Variants in SH3BP4 observed in about 807,000 individuals in gnomAD.
The protein encoded by SH3BP4 is SH3 domain-binding protein 4.
SH3BP4 carries 33 observed loss-of-function variants against 65.5 expected under a neutral mutation model. The ratio of observed to expected loss-of-function variants is 0.50; its 90% CI spans 0.38 to 0.67. The LOEUF is 0.67. SH3BP4 is among the 30% of genes least tolerant of loss of function. The pLI is 0.00. For synonymous variants in SH3BP4, 552 were observed against 545.5 expected, an observed-to-expected ratio of 1.01 and a Z score of -0.17; for missense variants, 1,134 against 1,261.4, an observed-to-expected ratio of 0.90 and a Z score of 1.53.
Position 235,041,645 on chromosome 2 carries a change from G to A in SH3BP4, c.876G>A (p.Lys292=). ...DFRTAWLNHR[K]LARSCHDLDL... is the part of the protein sequence containing the mutation. Reference sequence around the variant, plus strand: ...GAACTGCCTGGCTAAACCACAGGAAGCTGGCCCGGTCTTGCCACGACCTGG... The same window carrying A: ...GAACTGCCTGGCTAAACCACAGGAAACTGGCCCGGTCTTGCCACGACCTGG... The change falls in exon 4 of 6, where the codon AAG becomes AAA. Residue 292 remains lysine (K), a synonymous_variant. Coordinates refer to ENST00000392011, the MANE Select transcript of SH3BP4 (RefSeq NM_014521.3). This position sits in a 1 kb window ranked among gnomAD's most constrained non-coding sequence, Gnocchi z 6.0. 1.2e-6 allele frequency: 2 copies of A among 1,614,000 alleles called. No individual in the cohort carries two copies. The highest frequency in any genetic ancestry group is 1.7e-6 in the Non-Finnish European group (2 of 1,180,004).
chr2:235,044,250 C>T lies in SH3BP4; in HGVS notation c.2478+1003C>T, dbSNP rs549218670. On this transcript the variant is annotated intron_variant, in intron 4 of 5. Coordinates refer to ENST00000392011, the MANE Select transcript of SH3BP4 (RefSeq NM_014521.3). ...TGCCAGCACAACCGTGAACTGGAAT[C>T]CAAAGAAATAAAAGGGGGAAGTAAG... is the stretch of plus-strand genomic sequence containing the variant. Among the ~76,000 whole-genome samples the T allele has an allele frequency of 7.9e-5, 12 of 152,354 alleles. No individual in the cohort carries two copies. The East Asian group carries it at 1.4e-3, about 17-fold the overall frequency.
intron 2 of SH3BP4, among the ~76,000 whole-genome samples, chr2:235,016,648 A>G (rs186787278): frequency 3.5e-3 from 537 of 152,286 alleles, no homozygotes; most frequent in Non-Finnish European, 6.2e-3. Flanking sequence ...AGCTGGGACT[A>G]CAGGCGCACA....
chr2:234,979,536 C>T (rs1693288312), intron 1 of SH3BP4: 1 of 152,246 alleles, frequency 6.6e-6, no homozygotes, highest in South Asian at 2.1e-4. Flanking sequence ...CCTGTGAAGT[C>T]CCCTCCCTTT....
intron 4 of SH3BP4, among the ~76,000 whole-genome samples, chr2:235,051,599 A>G (rs1696056111): frequency 6.6e-6 from 1 of 151,828 alleles, no homozygotes; most frequent in East Asian, 2.0e-4. Context: ...AGTCCCACCA[A>G]TTGTGGAAAC....
intron 1 of SH3BP4, among the ~76,000 whole-genome samples, chr2:234,959,263 T>C (rs1478478097): frequency 6.6e-6 from 1 of 152,190 alleles, no homozygotes; most frequent in Non-Finnish European, 1.5e-5. Flanking sequence ...CTTACCTGTC[T>C]GTTGTCCCCC....
intron 1 of SH3BP4, among the ~76,000 whole-genome samples, chr2:234,966,921 T>C (rs932332039): frequency 1.3e-5 from 2 of 152,234 alleles, no homozygotes; most frequent in African/African-American, 4.8e-5. Context: ...TAATCCTACT[T>C]CGCTAACTAA....
chr2:234,996,800 C>T (rs962773717), intron 2 of SH3BP4, among the ~76,000 whole-genome samples: 1 of 152,220 alleles, frequency 6.6e-6, no homozygotes, highest in Non-Finnish European at 1.5e-5. Context: ...CTTTGGGCCC[C>T]CACATGGACT....
rs60359024 is a variant in SH3BP4 at position 235,052,369 on chromosome 2, G to A, written c.2479-193G>A. ...AGGGAGACACTGGTGAACCTGGCACGCTCTGCACATCATCTCTTTTCTCCC... is the reference window on the plus strand; with the variant it reads ...AGGGAGACACTGGTGAACCTGGCACACTCTGCACATCATCTCTTTTCTCCC... On this transcript the variant is annotated intron_variant, in intron 4 of 5. Transcript: ENST00000392011. The surrounding 1 kb of genome is among the most constrained non-coding windows in gnomAD (Gnocchi z 5.0). 3.9e-3 allele frequency among the ~76,000 whole-genome samples: 587 copies of A among 152,246 alleles called. 5 individuals carry two copies. The highest frequency in any genetic ancestry group is 0.011 in the African/African-American group (468 of 41,532).
At chr2:234,971,869 T>A (rs1405923992) in intron 1 of SH3BP4, among the ~76,000 whole-genome samples, 1 of 152,044 alleles carries the variant, frequency 6.6e-6, no homozygotes. Flanking sequence ...TAGGCTGGAG[T>A]GCAATGGCGT....
At chr2:234,996,247 T>C (rs879175536) in intron 2 of SH3BP4, among the ~76,000 whole-genome samples, 6 of 152,194 alleles carry the variant, frequency 3.9e-5, no homozygotes, top group Non-Finnish European at 7.3e-5. Context: ...GATTCCTTTC[T>C]GGGCCACGTT....
chr2:234,960,784 G>A (rs187472486), intron 1 of SH3BP4, among the ~76,000 whole-genome samples: 1 of 152,210 alleles, frequency 6.6e-6, no homozygotes, highest in East Asian at 1.9e-4. Context: ...CTGTTTCTTC[G>A]AAATCAATCA....
chr2:235,032,931 GA>G (rs1010473059), intron 2 of SH3BP4, among the ~76,000 whole-genome samples: 3 of 152,218 alleles, frequency 2.0e-5, no homozygotes, highest in African/African-American at 7.2e-5. Context: ...GGGAAAGATG[GA>G]AACATCTGTG....
At chr2:234,966,021 C>A (rs1473613377) in intron 1 of SH3BP4, among the ~76,000 whole-genome samples, 1 of 152,190 alleles carries the variant, frequency 6.6e-6, no homozygotes, top group Non-Finnish European at 1.5e-5. Flanking sequence ...GGATGGTCAT[C>A]TCCTGCTCAC....
At chr2:235,005,586 A>G (rs924252043) in intron 2 of SH3BP4, among the ~76,000 whole-genome samples, 2 of 149,402 alleles carry the variant, frequency 1.3e-5, no homozygotes, top group African/African-American at 5.2e-5. Context: ...TGACACCTTG[A>G]GCCCCTCAGA....
At chr2:234,981,900 C>T (rs1693395333) in intron 1 of SH3BP4, among the ~76,000 whole-genome samples, 1 of 152,130 alleles carries the variant, frequency 6.6e-6, no homozygotes, top group Non-Finnish European at 1.5e-5. Context: ...AAGCAAATAT[C>T]GTGGAGCGCA....
chr2:234,989,514 T>G (rs1435995344), intron 1 of SH3BP4, among the ~76,000 whole-genome samples: 1 of 152,224 alleles, frequency 6.6e-6, no homozygotes, highest in Non-Finnish European at 1.5e-5. Context: ...CCTGGCCCTT[T>G]GCCCACTGCG....
rs73124273 is a variant in SH3BP4, at chr2:234,991,478, T to C, written c.-206-3825T>C. Among the ~76,000 whole-genome samples the C allele has an allele frequency of 3.2e-3, 493 of 152,022 alleles. 1 individual carries two copies. The highest frequency in any genetic ancestry group is 0.014 in the Middle Eastern group (4 of 292). ...TTCTTGGCATTGTGGTTTTTGGAGA[T>C]TTGCCCCAAATCATGGTTAATGACA... On this transcript the variant is annotated intron_variant, in intron 1 of 5. Transcript: ENST00000392011. The surrounding 1 kb of genome is among the most constrained non-coding windows in gnomAD (Gnocchi z 4.2).
Position 234,982,268 on chromosome 2 carries a change from A to T in SH3BP4, c.-206-13035A>T, listed in dbSNP as rs950105084. Reference sequence around the variant, plus strand: ...GGGCATCGCTGGCACCAGGTGGGCTATTGGCACCAGTGGGCACACCTGTGG... The same window carrying T: ...GGGCATCGCTGGCACCAGGTGGGCTTTTGGCACCAGTGGGCACACCTGTGG... On this transcript the variant is annotated intron_variant, in intron 1 of 5. Coordinates refer to ENST00000392011, the MANE Select transcript of SH3BP4 (RefSeq NM_014521.3). Among the ~76,000 whole-genome samples, 12 of 152,002 alleles carry T rather than the reference A, an allele frequency of 7.9e-5. 1 individual carries two copies. The highest frequency in any genetic ancestry group is 2.9e-4 in the African/African-American group (12 of 41,360).
At chr2:235,013,273 C>T (rs1694576322) in intron 2 of SH3BP4, among the ~76,000 whole-genome samples, 1 of 152,196 alleles carries the variant, frequency 6.6e-6, no homozygotes, top group Non-Finnish European at 1.5e-5. Context: ...GCCCTTCCTC[C>T]CTTCTGTGCA....
Sources: gnomAD v4.1 joint callset for allele counts (sites outside exome capture counted in the v4.1 genomes callset) on GRCh38, gnomAD v4.1.1 for gene constraint, Gnocchi (gnomAD v3.1) non-coding constraint, MANE v1.5 for transcripts, NCBI Gene and HGNC (gene_info 2026-07-23, HGNC 2026-07-21) for gene names.